AOX1: variants seen among roughly 807,000 people sequenced by gnomAD.
AOX1 encodes aldehyde oxidase 1, also known as aldehyde oxidase.
In AOX1, 153 loss-of-function variants were observed where a neutral mutation model predicts 169.5. The ratio of observed to expected loss-of-function variants is 0.90; its 90% CI spans 0.79 to 1.03. The LOEUF (loss-of-function observed/expected upper bound fraction) is 1.03. Ranked by LOEUF, AOX1 falls within the 50% of genes least tolerant of loss-of-function variation. The probability of loss-of-function intolerance (pLI) is 0.00; values close to 1 mark genes in which losing one functional copy is unlikely to be tolerated. For missense variants in AOX1, 1,656 were observed against 1,663.9 expected, an observed-to-expected ratio of 1.00 and a Z score of 0.08; for synonymous variants, 562 against 581.9, an observed-to-expected ratio of 0.97 and a Z score of 0.49.
At chr2:200,664,018 C>T (rs970389938) in intron 31 of AOX1, among the ~76,000 whole-genome samples, 1 of 152,126 alleles carries the variant, frequency 6.6e-6, no homozygotes, top group Non-Finnish European at 1.5e-5. Context: ...TATAGGGTAA[C>T]CTCGCACTAG....
In AOX1 at chr2:200,603,189, A is replaced by T. The variant is rs375620836; in HGVS notation, c.499-78A>T. On this transcript the variant is annotated intron_variant, in intron 6 of 34. Coordinates refer to ENST00000374700, the MANE Select transcript of AOX1 (RefSeq NM_001159.4). ...CGATATTGATTCAGCATTATGTTTC[A>T]ACTGGCATTCACCTGCTTTATTTAC... 6.7e-5 allele frequency: 75 copies of T among 1,123,936 alleles called. No individual in the cohort carries two copies. In the African/African-American group the frequency reaches 1.1e-3, roughly 17 times the overall value. 69.6% of individuals were successfully genotyped at this position (1,123,936 alleles called of 1,614,324 possible). A position where few individuals can be genotyped will look rare whatever the true frequency, so the allele number is the denominator to read the frequency against.
rs751594946 is a variant in AOX1 at position 200,609,036 on chromosome 2, T to C, written c.960T>C (p.Ala320=). 2.5e-6 allele frequency: 4 copies of C among 1,614,118 alleles called. No individual in the cohort carries two copies. The highest frequency in any genetic ancestry group is 3.3e-5 in the Admixed American group (2 of 59,996). The part of the protein sequence containing the change: ...LSLAQVKDIL[A]DVVQKLPEEK... ...TAGCCCAGGTGAAGGACATTTTGGC[T>C]GATGTAGTCCAGAAGCTTCCAGAGG... Residue 320 remains alanine (A), a synonymous_variant, in exon 11 of 35, where the codon GCT becomes GCC. Coordinates refer to ENST00000374700, the MANE Select transcript of AOX1 (RefSeq NM_001159.4).
chr2:200,609,371 C>T lies in AOX1; in HGVS notation c.1110C>T (p.Pro370=), dbSNP rs768508833. 1 of 1,613,920 alleles carries T rather than the reference C, an allele frequency of 6.2e-7. No homozygotes were observed. Among genetic ancestry groups the T allele is most frequent in the Non-Finnish European group, 8.5e-7 (1 of 1,179,972 alleles). Residue 370 remains proline (P), a synonymous_variant, in exon 12 of 35, where the codon CCC becomes CCT. Coordinates refer to ENST00000374700, the MANE Select transcript of AOX1 (RefSeq NM_001159.4). ...GGCATCCAGATTCAGATCTGAATCC[C>T]ATCCTGGCTGTGGGTAACTGTACCC... ...ISRHPDSDLN[P]ILAVGNCTLN... is the part of the protein sequence containing the mutation.
chr2:200,611,676 C>T (rs184237868), intron 13 of AOX1, among the ~76,000 whole-genome samples, 183 bp downstream of exon 13: 57 of 151,052 alleles, frequency 3.8e-4, no homozygotes, highest in Admixed American at 2.8e-3. Flanking sequence ...CCTTGTATTA[C>T]GCATGCCCCT....
At chr2:200,609,202 C>T (rs1045725140) in intron 11 of AOX1, 67 bp downstream of exon 11, 2 of 1,595,986 alleles carry the variant, frequency 1.3e-6, no homozygotes, top group African/African-American at 1.3e-5. Context: ...TGAATCATGA[C>T]ATTTTCATTC....
At chr2:200,642,221 C>T (rs1236669614) in intron 24 of AOX1, among the ~76,000 whole-genome samples, 1 of 152,116 alleles carries the variant, frequency 6.6e-6, no homozygotes, top group Non-Finnish European at 1.5e-5. Context: ...GATTGCTCCC[C>T]ATTGAGAACC....
intron 31 of AOX1, among the ~76,000 whole-genome samples, chr2:200,666,329 G>A (rs552106872): frequency 6.6e-6 from 1 of 152,298 alleles, no homozygotes; most frequent in East Asian, 1.9e-4. Context: ...TTTGCAACTA[G>A]GATCGTGAGG....
At position 200,660,021 on chromosome 2, in the gene AOX1, C is replaced by T. The variant is rs370480838; in HGVS notation, c.3327C>T (p.Arg1109=). ...VKDACQTLLK[R]LEPIISKNPK... ...ATGCCTGTCAAACTCTTCTAAAACG[C>T]CTCGAACCCATCATCAGCAAGAATC... The change falls in exon 29 of 35, where the codon CGC becomes CGT. Residue 1109 remains arginine, a synonymous_variant. Coordinates refer to ENST00000374700, the MANE Select transcript of AOX1 (RefSeq NM_001159.4). 19 of 1,613,796 alleles carry T rather than the reference C, an allele frequency of 1.2e-5. No individual in the cohort carries two copies. In the East Asian group the frequency reaches 1.3e-4, roughly 11 times the overall value.
At chr2:200,649,467 C>G (rs1411693748) in intron 25 of AOX1, among the ~76,000 whole-genome samples, 1 of 152,176 alleles carries the variant, frequency 6.6e-6, no homozygotes, top group Non-Finnish European at 1.5e-5. Flanking sequence ...CTCCTGGGTC[C>G]TGCAGGAGTA....
intron 9 of AOX1, 78 bp from the exon 10 acceptor site, chr2:200,605,455 TTAA>T (rs2034494117): frequency 3.5e-6 from 2 of 571,914 alleles, no homozygotes; most frequent in African/African-American, 3.9e-5. Flanking sequence ...AGATATTAGT[TTAA>T]TAATAATTTC....
In AOX1 at chr2:200,616,019, G is replaced by A; in HGVS notation, c.1660G>A (p.Glu554Lys). 2 of 1,613,994 alleles carry A rather than the reference G, an allele frequency of 1.2e-6. No individual in the cohort carries two copies. Among genetic ancestry groups the A allele is most frequent in the Non-Finnish European group, 8.5e-7 (1 of 1,179,896 alleles). The stretch of plus-strand genomic sequence containing the variant: ...TGCAGACAAGTATGAAAGTGCTTTA[G>A]AAGATCTTCATTCCAAACATCACTG... ...SLADKYESAL[E>K]DLHSKHHCST... Residue 554 changes from glutamate (E) to lysine (K), a missense_variant, in exon 16 of 35, where the codon GAA (glutamate) becomes AAA (lysine). Glu to Lys is a moderately conservative substitution (Grantham distance 56, BLOSUM62 1). Transcript: ENST00000374700.
intron 23 of AOX1, among the ~76,000 whole-genome samples, chr2:200,640,612 A>C (rs1356847151): frequency 2.0e-5 from 3 of 152,228 alleles, no homozygotes; most frequent in Non-Finnish European, 2.9e-5. Context: ...ACCGATCTGG[A>C]AGAACGATGA....
intron 1 of AOX1, among the ~76,000 whole-genome samples, chr2:200,587,934 C>T (rs1001846332): frequency 3.9e-5 from 6 of 152,218 alleles, no homozygotes; most frequent in African/African-American, 1.4e-4. Context: ...TGTTAAGGGC[C>T]TACCGTATGC....
intron 32 of AOX1, among the ~76,000 whole-genome samples, chr2:200,667,958 A>G (rs1273048087): frequency 1.3e-5 from 2 of 152,098 alleles, no homozygotes. Flanking sequence ...TGTCTGCCTC[A>G]TGGGCAAAAA....
Position 200,612,726 on chromosome 2 carries a change from A to G in AOX1, c.1381A>G (p.Ile461Val), listed in dbSNP as rs1302400056. 1 of 1,614,124 alleles carries G rather than the reference A, an allele frequency of 6.2e-7. No homozygotes were observed. Among genetic ancestry groups the G allele is most frequent in the Admixed American group, 1.7e-5 (1 of 60,020 alleles). The change falls in exon 14 of 35, where the codon ATC (isoleucine) becomes GTC (valine). Residue 461 changes from isoleucine (I) to valine (V), a missense_variant. Transcript: ENST00000374700. ...EGDGIIRELC[I>V]SYGGVGPATI... is the part of the protein sequence containing the mutation. ...GGATGGCATTATTAGAGAGTTATGC[A>G]TCTCATATGGAGGCGTTGGTCCAGC...
At chr2:200,635,117 CAA>C (rs1435038225) in intron 21 of AOX1, among the ~76,000 whole-genome samples, 1 of 151,964 alleles carries the variant, frequency 6.6e-6, no homozygotes, top group African/African-American at 2.4e-5. Flanking sequence ...GTCTCTAACA[CAA>C]AACAAACAAA....
chr2:200,625,868 T>A (rs1353290574), intron 19 of AOX1, among the ~76,000 whole-genome samples: 1 of 152,078 alleles, frequency 6.6e-6, no homozygotes, highest in Non-Finnish European at 1.5e-5. Context: ...AACAAATATA[T>A]CTCTGTCACT....
intron 1 of AOX1, among the ~76,000 whole-genome samples, chr2:200,590,610 G>A (rs773743085): frequency 1.3e-5 from 2 of 152,122 alleles, no homozygotes; most frequent in Non-Finnish European, 2.9e-5. Context: ...AAACTGGTGG[G>A]ACTTTGAGCC....
chr2:200,659,355 G>A, intron 28 of AOX1, 62 bp downstream of exon 28: 1 of 1,555,684 alleles, frequency 6.4e-7, no homozygotes. Flanking sequence ...ACGTGGGTGG[G>A]TGGAGCTCCA....
Sources: gnomAD v4.1 joint callset for allele counts (sites outside exome capture counted in the v4.1 genomes callset) on GRCh38, gnomAD v4.1.1 for gene constraint, MANE v1.5 for transcripts, NCBI Gene and HGNC (gene_info 2026-07-23, HGNC 2026-07-21) for gene names.